Variants in ANXA4 observed in about 807,000 individuals in gnomAD.
The protein encoded by ANXA4 is 35-beta calcimedin.
In ANXA4, 39 loss-of-function variants were observed where a neutral mutation model predicts 49.8. That is an observed-to-expected ratio of 0.78 (90% CI 0.61 to 1.02). The LOEUF (loss-of-function observed/expected upper bound fraction) is 1.02. Among genes scored for constraint, ANXA4 ranks in the 50% least tolerant of loss-of-function variants. The probability of loss-of-function intolerance (pLI) is 0.00; values close to 1 mark genes in which losing one functional copy is unlikely to be tolerated. For missense variants in ANXA4, 360 were observed against 410.1 expected, an observed-to-expected ratio of 0.88 and a Z score of 1.05; for synonymous variants, 134 against 152.5, an observed-to-expected ratio of 0.88 and a Z score of 0.89.
intron 4 of ANXA4, among the ~76,000 whole-genome samples, chr2:69,805,561 G>A (rs1304265019): frequency 2.0e-5 from 3 of 150,434 alleles, no homozygotes; most frequent in African/African-American, 7.4e-5. Flanking sequence ...AGTCAAGATC[G>A]TGCCACTGCG....
intron 8 of ANXA4, chr2:69,814,840 A>G (rs1673910966): frequency 6.5e-6 from 1 of 152,854 alleles, no homozygotes. Flanking sequence ...CAGGATCTTC[A>G]GAGGGAATCA....
At chr2:69,816,460 T>G (rs1252450492) in intron 9 of ANXA4, 2 of 336,238 alleles carry the variant, frequency 5.9e-6, no homozygotes, top group African/African-American at 4.2e-5. Context: ...ACCTTCACAG[T>G]CAGTCCTTTT....
intron 2 of ANXA4, among the ~76,000 whole-genome samples, chr2:69,708,220 AATG>A (rs886774394): frequency 3.3e-5 from 5 of 152,176 alleles, no homozygotes; most frequent in African/African-American, 1.2e-4. Flanking sequence ...TTGGGCCCAC[AATG>A]ATATCATGAT....
intron 1 of ANXA4, among the ~76,000 whole-genome samples, chr2:69,756,585 A>G (rs977245212): frequency 6.6e-6 from 1 of 152,172 alleles, no homozygotes; most frequent in Non-Finnish European, 1.5e-5. Context: ...ACATTTTCCA[A>G]TATACACCCA....
chr2:69,737,252 T>G (rs753430332), upstream of ANXA4, among the ~76,000 whole-genome samples: 5 of 152,232 alleles, frequency 3.3e-5, no homozygotes, highest in Non-Finnish European at 7.3e-5. Flanking sequence ...GTCCTCAGTC[T>G]TCTAAAGTTT....
chr2:69,790,922 A>G (rs1164322444), intron 3 of ANXA4, among the ~76,000 whole-genome samples: 2 of 152,198 alleles, frequency 1.3e-5, no homozygotes, highest in African/African-American at 4.8e-5. Context: ...CATTTTTGTT[A>G]AAAATAATCT....
At chr2:69,806,546 G>GAAATGAGGCCA in intron 5 of ANXA4, 48 bp downstream of exon 5, 1 of 1,478,306 alleles carries the variant, frequency 6.8e-7, no homozygotes, top group Admixed American at 1.7e-5. Flanking sequence ...TGCAAACGCT[G>GAAATGAGGCCA]ATGTGCTTTC....
At chr2:69,644,060 C>T (rs975478276), upstream of ANXA4, 2 of 231,236 alleles carry the variant, frequency 8.6e-6, no homozygotes, top group Non-Finnish European at 1.5e-5. Context: ...GGCGAGGCGG[C>T]AGCCGTGTGG....
At chr2:69,661,954 T>C (rs1676739789) in intron 2 of ANXA4, among the ~76,000 whole-genome samples, 1 of 152,146 alleles carries the variant, frequency 6.6e-6, no homozygotes, top group African/African-American at 2.4e-5. Context: ...GGACACCAGA[T>C]GTAGTCGAGG....
chr2:69,769,098 T>G (rs550670408), intron 1 of ANXA4, among the ~76,000 whole-genome samples: 1 of 152,302 alleles, frequency 6.6e-6, no homozygotes, highest in Non-Finnish European at 1.5e-5. Flanking sequence ...TGAAGCAAGT[T>G]GATGATGGTG....
At chr2:69,739,917 CA>C (rs1670341408), upstream of ANXA4, among the ~76,000 whole-genome samples, 1 of 152,082 alleles carries the variant, frequency 6.6e-6, no homozygotes, top group African/African-American at 2.4e-5. Context: ...AGAAACTGAG[CA>C]AAGATATGGT....
At chr2:69,712,210 CA>C (rs1678699205) in intron 2 of ANXA4, among the ~76,000 whole-genome samples, 1 of 152,002 alleles carries the variant, frequency 6.6e-6, no homozygotes, top group African/African-American at 2.4e-5. Flanking sequence ...CACACAAACA[CA>C]TACCCCTCAC....
At chr2:69,812,539 G>A in intron 7 of ANXA4, 114 bp from the exon 8 acceptor site, 1 of 816,132 alleles carries the variant, frequency 1.2e-6, no homozygotes, top group Non-Finnish European at 1.9e-6. Context: ...TGGGTCTGAA[G>A]CTCCAATTCT....
chr2:69,646,462 A>G (rs1320830336), intron 1 of ANXA4, among the ~76,000 whole-genome samples: 1 of 152,252 alleles, frequency 6.6e-6, no homozygotes, highest in African/African-American at 2.4e-5. Context: ...GACACAAAAC[A>G]GAGCTATCTG....
At chr2:69,658,904 G>A (rs1256536386) in intron 2 of ANXA4, among the ~76,000 whole-genome samples, 1 of 152,090 alleles carries the variant, frequency 6.6e-6, no homozygotes, top group Admixed American at 6.5e-5. Flanking sequence ...CACCATGTTG[G>A]TCAGGCTGGT....
At chr2:69,812,488 A>G (rs1408574830) in intron 7 of ANXA4, among the ~76,000 whole-genome samples, 165 bp from the exon 8 acceptor site, 2 of 152,190 alleles carry the variant, frequency 1.3e-5, no homozygotes, top group African/African-American at 2.4e-5. Context: ...GAGCCATTGT[A>G]ATAATGCGAG....
chr2:69,719,260 CTTTTTTTTTTTTTTT>C (rs1192269262), intron 2 of ANXA4, among the ~76,000 whole-genome samples: 11 of 66,546 alleles, frequency 1.7e-4, no homozygotes, highest in African/African-American at 7.6e-4. Flanking sequence ...ATTTTCCAGT[CTTTTTTTTTTTTTTT>C]TTTTTTTTTT....
chr2:69,757,266 A>ATTT (rs1177266386), intron 1 of ANXA4, among the ~76,000 whole-genome samples: 9 of 27,648 alleles, frequency 3.3e-4, no homozygotes, highest in Non-Finnish European at 4.0e-4. Flanking sequence ...ATATATATAT[A>ATTT]TTTTTTTTTT....
At chr2:69,814,783 TGTGTGTGTGTGAGA>T (rs750695592) in intron 8 of ANXA4, 5,648 of 111,702 alleles carry the variant, frequency 0.051, 355 homozygotes, top group African/African-American at 0.25. Flanking sequence ...TGTGTGTGTG[TGTGTGTGTGTGAGA>T]GAAAGAGAGA....
Sources: gnomAD v4.1 joint callset for allele counts (sites outside exome capture counted in the v4.1 genomes callset) on GRCh38, gnomAD v4.1.1 for gene constraint, MANE v1.5 for transcripts, NCBI Gene and HGNC (gene_info 2026-07-23, HGNC 2026-07-21) for gene names.